TYW1B: variants seen among roughly 807,000 people sequenced by gnomAD.
TYW1B encodes S-adenosyl-L-methionine-dependent tRNA 4-demethylwyosine synthase TYW1B.
Under a neutral mutation model 86.9 loss-of-function variants are expected in TYW1B, and 73 were observed. The observed-to-expected ratio is 0.84, with a 90% confidence interval of 0.70 to 1.02. TYW1B has a LOEUF of 1.02. Among genes scored for constraint, TYW1B ranks in the 50% least tolerant of loss-of-function variants. The probability of loss-of-function intolerance (pLI) is 0.00; values close to 1 mark genes in which losing one functional copy is unlikely to be tolerated. For synonymous variants in TYW1B, 248 were observed against 292.8 expected (o/e 0.85, Z 1.56); for missense variants, 637 against 827.4 (o/e 0.77, Z 2.82).
At chr7:72,807,504 G>A in intron 4 of TYW1B, 148 bp from the exon 5 acceptor site, 1 of 1,019,952 alleles carries the variant, frequency 9.8e-7, no homozygotes, top group Non-Finnish European at 1.4e-6. Context: ...TGACCTTCAA[G>A]CCTTCAAGCT....
chr7:72,735,752 C>A (rs1349255235), intron 8 of TYW1B, among the ~76,000 whole-genome samples: 3 of 151,776 alleles, frequency 2.0e-5, no homozygotes, highest in Non-Finnish European at 2.9e-5. Context: ...TGCCTGTAAT[C>A]CCAGCTACTT....
At chr7:72,578,925 G>A in intron 13 of TYW1B, among the ~76,000 whole-genome samples, 1 of 151,944 alleles carries the variant, frequency 6.6e-6, no homozygotes, top group East Asian at 1.9e-4. Flanking sequence ...CGATTTCTAG[G>A]TCTGAAGTCT....
rs1275746413 is a variant in TYW1B at position 72,828,166 on chromosome 7, G to C, written c.-91C>G. 3 of 1,589,534 alleles carry C rather than the reference G, an allele frequency of 1.9e-6. No individual in the cohort carries two copies. The highest frequency in any genetic ancestry group is 2.7e-5 in the African/African-American group (2 of 74,522). ...TGCGAGACGCACCGAGCTACCTCGC[G>C]GCGTTAGCGCCGTACCGAGTGGCTG... is the stretch of plus-strand genomic sequence containing the variant. On this transcript the variant is annotated 5_prime_UTR_variant, in exon 1 of 14. Coordinates refer to ENST00000620995, the MANE Select transcript of TYW1B (RefSeq NM_001145440.3).
intron 7 of TYW1B, among the ~76,000 whole-genome samples, chr7:72,754,849 A>G (rs1787559859): frequency 6.6e-6 from 1 of 152,208 alleles, no homozygotes; most frequent in Non-Finnish European, 1.5e-5. Context: ...ACAGAAATAC[A>G]TAATATTTAA....
rs2129570089 is a variant in TYW1B, at chr7:72,686,763, G to A, written c.1506+7924C>T. ...CAGTTATAATAAATGTGCCACTCTTGTGGGTGATGTTGATAAGGAGGTAAT... is the reference window on the plus strand; with the variant it reads ...CAGTTATAATAAATGTGCCACTCTTATGGGTGATGTTGATAAGGAGGTAAT... On this transcript the variant is annotated intron_variant, in intron 11 of 13. Coordinates refer to ENST00000620995, the MANE Select transcript of TYW1B (RefSeq NM_001145440.3). Among the ~76,000 whole-genome samples the A allele has an allele frequency of 1.3e-5, 2 of 152,266 alleles. 1 individual carries two copies. The highest frequency in any genetic ancestry group is 3.9e-4 in the East Asian group (2 of 5,192).
intron 6 of TYW1B, among the ~76,000 whole-genome samples, chr7:72,788,267 CT>C (rs1231955813): frequency 6.6e-6 from 1 of 152,104 alleles, no homozygotes; most frequent in Non-Finnish European, 1.5e-5. Flanking sequence ...GAGTGAGCCA[CT>C]GCACCCGGCC....
Position 72,649,341 on chromosome 7 carries a change from G to A in TYW1B, c.1507-20344C>T, listed in dbSNP as rs4084083. On this transcript the variant is annotated intron_variant, in intron 11 of 13. Coordinates refer to ENST00000620995, the MANE Select transcript of TYW1B (RefSeq NM_001145440.3). The stretch of plus-strand genomic sequence containing the variant: ...TTTCCATCTGAGAGAAGAGCTTTCT[G>A]AAAAATCTAAAACCACCACCACAAG... Among the ~76,000 whole-genome samples, 624 of 152,244 alleles carry A rather than the reference G, an allele frequency of 4.1e-3. 4 individuals are homozygous for A. The highest frequency in any genetic ancestry group is 0.02 in the Middle Eastern group (6 of 294).
At chr7:72,643,771 C>A (rs1554441738) in intron 11 of TYW1B, among the ~76,000 whole-genome samples, 1 of 151,944 alleles carries the variant, frequency 6.6e-6, no homozygotes, top group Non-Finnish European at 1.5e-5. Flanking sequence ...TTAAAGAAAA[C>A]ACAACTTAAT....
chr7:72,827,582 G>A (rs1378614248), intron 1 of TYW1B, among the ~76,000 whole-genome samples: 1 of 152,136 alleles, frequency 6.6e-6, no homozygotes, highest in South Asian at 2.1e-4. Flanking sequence ...AATACTTCAT[G>A]TGAAATTAAG....
intron 10 of TYW1B, among the ~76,000 whole-genome samples, chr7:72,707,978 C>T (rs1387590229): frequency 6.6e-6 from 1 of 152,190 alleles, no homozygotes; most frequent in African/African-American, 2.4e-5. Context: ...GAAGATGTGC[C>T]TGCTTTCCCC....
At chr7:72,745,112 A>C (rs1274134944) in intron 7 of TYW1B, among the ~76,000 whole-genome samples, 3 of 152,030 alleles carry the variant, frequency 2.0e-5, no homozygotes, top group Admixed American at 6.6e-5. Context: ...GCAACCTCCA[A>C]CTCCTGGGTT....
At chr7:72,599,132 A>G (rs1554433191) in intron 13 of TYW1B, among the ~76,000 whole-genome samples, 1 of 152,222 alleles carries the variant, frequency 6.6e-6, no homozygotes, top group Non-Finnish European at 1.5e-5. Flanking sequence ...CAGATGTAAA[A>G]TCAATAAAAT....
intron 2 of TYW1B, among the ~76,000 whole-genome samples, chr7:72,824,653 A>C (rs1554481126): frequency 6.6e-6 from 1 of 152,074 alleles, no homozygotes; most frequent in Non-Finnish European, 1.5e-5. Flanking sequence ...AGGCAGGAGA[A>C]TTGCTCGAAC....
At chr7:72,642,300 T>G (rs553577199) in intron 11 of TYW1B, among the ~76,000 whole-genome samples, 2 of 152,276 alleles carry the variant, frequency 1.3e-5, no homozygotes, top group South Asian at 4.1e-4. Flanking sequence ...CAATTAGATA[T>G]GACACCAAAA....
intron 6 of TYW1B, among the ~76,000 whole-genome samples, chr7:72,778,695 C>G (rs1239268338): frequency 2.0e-5 from 3 of 152,052 alleles, no homozygotes; most frequent in Admixed American, 6.6e-5. Context: ...ATGTCTACTT[C>G]TAGAAGATCC....
Position 72,740,182 on chromosome 7 carries a change from G to A in TYW1B, c.1082+4302C>T, listed in dbSNP as rs371880154. Among the ~76,000 whole-genome samples the A allele has an allele frequency of 8.7e-4, 132 of 151,680 alleles. 1 individual carries two copies. The highest frequency in any genetic ancestry group is 2.5e-3 in the East Asian group (13 of 5,130). ...TGGGAGGTGGAGCTTGCAGTGAGCC[G>A]AGATTGCACCACTGCACTCCAGCCT... On this transcript the variant is annotated intron_variant, in intron 8 of 13. Coordinates refer to ENST00000620995, the MANE Select transcript of TYW1B (RefSeq NM_001145440.3).
chr7:72,695,484 C>T (rs551072961), intron 10 of TYW1B, among the ~76,000 whole-genome samples: 1 of 152,196 alleles, frequency 6.6e-6, no homozygotes, highest in Non-Finnish European at 1.5e-5. Flanking sequence ...CCTTTACAAT[C>T]AGTTTCCATG....
chr7:72,774,599 G>A (rs1197616257), intron 7 of TYW1B, among the ~76,000 whole-genome samples: 50 of 152,030 alleles, frequency 3.3e-4, no homozygotes, highest in Non-Finnish European at 5.2e-4. Context: ...GTGGCAGCCA[G>A]TTACTCAGGA....
chr7:72,793,629 G>A (rs1279427487), intron 6 of TYW1B, among the ~76,000 whole-genome samples: 4 of 149,390 alleles, frequency 2.7e-5, no homozygotes, highest in Non-Finnish European at 5.9e-5. Flanking sequence ...GGTTGCAGGC[G>A]CCTGTAATCC....
Sources: allele counts gnomAD v4.1 joint callset (sites outside exome capture counted in the v4.1 genomes callset), GRCh38; gene constraint gnomAD v4.1.1; transcripts MANE v1.5; gene names NCBI Gene and HGNC (gene_info 2026-07-23, HGNC 2026-07-21).